RP1: variants seen among roughly 807,000 people sequenced by gnomAD.
RP1 encodes oxygen-regulated protein 1.
A neutral mutation model predicts 14.8 loss-of-function variants in RP1; 16 were observed. The ratio of observed to expected loss-of-function variants is 1.08; its 90% CI spans 0.73 to 1.65. The LOEUF is 1.65. Ranked by LOEUF, RP1 falls within the 40% of genes most tolerant of loss-of-function variation. The pLI is 0.00. For missense variants in RP1, 2,631 were observed against 2,535.0 expected (o/e 1.04, Z -0.81); for synonymous variants, 876 against 883.6 (o/e 0.99, Z 0.15).
chr8:54,786,399 G>A (rs995013305), intron 24 of RP1, among the ~76,000 whole-genome samples: 1 of 151,950 alleles, frequency 6.6e-6, no homozygotes, highest in East Asian at 1.9e-4. Flanking sequence ...AAGATTCTCT[G>A]CTTGTTTTTG....
intron 1 of RP1, among the ~76,000 whole-genome samples, chr8:54,579,887 C>A (rs1476762642): frequency 6.6e-6 from 1 of 152,210 alleles, no homozygotes. Context: ...CAACTTCTCT[C>A]CAGGACTGGT....
chr8:54,674,182 A>G (rs1486191399), intron 8 of RP1, among the ~76,000 whole-genome samples: 1 of 152,200 alleles, frequency 6.6e-6, no homozygotes, highest in Non-Finnish European at 1.5e-5. Context: ...ATTTTAAAAA[A>G]TAGAAGAGAT....
chr8:54,833,297 G>T (rs1158489634), intron 24 of RP1, among the ~76,000 whole-genome samples: 1 of 151,858 alleles, frequency 6.6e-6, no homozygotes, highest in African/African-American at 2.4e-5. Flanking sequence ...CATGCAAAAA[G>T]CTATACAAAT....
intron 22 of RP1, among the ~76,000 whole-genome samples, chr8:54,764,570 T>G (rs1809717882): frequency 1.3e-5 from 2 of 152,268 alleles, no homozygotes; most frequent in Admixed American, 6.5e-5. Context: ...TTTATGTGTC[T>G]GTCCTACTCC....
chr8:54,582,118 C>T (rs12386986), intron 1 of RP1, among the ~76,000 whole-genome samples: 12 of 151,934 alleles, frequency 7.9e-5, no homozygotes, highest in South Asian at 2.1e-4. Flanking sequence ...TTTTCTTCTA[C>T]GGTTTTTATG....
chr8:54,605,357 G>A (rs2129306926), intron 1 of RP1, among the ~76,000 whole-genome samples: 1 of 152,310 alleles, frequency 6.6e-6, no homozygotes, highest in South Asian at 2.1e-4. Context: ...TTTTGAGTGA[G>A]TTTCTTAATC....
At chr8:54,812,983 T>TAACA (rs1811046520) in intron 24 of RP1, among the ~76,000 whole-genome samples, 1 of 152,210 alleles carries the variant, frequency 6.6e-6, no homozygotes, top group East Asian at 1.9e-4. Context: ...TTATTGGTAT[T>TAACA]AACACTTCTG....
intron 13 of RP1, among the ~76,000 whole-genome samples, chr8:54,699,897 T>C (rs995406706): frequency 2.0e-5 from 3 of 152,190 alleles, no homozygotes; most frequent in Non-Finnish European, 4.4e-5. Flanking sequence ...TTATACCTTG[T>C]GTTGCTTAGT....
rs749436235 is a variant in RP1 at position 54,628,359 on chromosome 8, T to G, written c.4477T>G (p.Leu1493Val). ...TGGAGGAGAGCAAGCCACTGAAGAATTAATCCAAGAAGAGGTAGAGGCTAG... is the reference window on the plus strand; with the variant it reads ...TGGAGGAGAGCAAGCCACTGAAGAAGTAATCCAAGAAGAGGTAGAGGCTAG... Reference protein sequence around the residue: ...VNGGEQATEELIQEEVEASKT... With the variant: ...VNGGEQATEEVIQEEVEASKT... The change falls in exon 4 of 4, where the codon TTA becomes GTA. Residue 1493 changes from leucine (L) to valine (V), a missense_variant. Coordinates refer to ENST00000220676, the MANE Select transcript of RP1 (RefSeq NM_006269.2). The G allele has an allele frequency of 6.2e-7, 1 of 1,613,826 alleles. No homozygotes were observed. The highest frequency in any genetic ancestry group is 1.1e-5 in the South Asian group (1 of 91,072).
At position 54,625,110 on chromosome 8, in the gene RP1, A is replaced by AT. The variant is rs1291685823; in HGVS notation, c.1230dup (p.Gln411SerfsTer8). 1 of 1,614,062 alleles carries AT rather than the reference A, an allele frequency of 6.2e-7. No individual in the cohort carries two copies. Among genetic ancestry groups the AT allele is most frequent in the African/African-American group, 1.3e-5 (1 of 74,928 alleles). ...GGGCAGTTTGGCAGAGGAGATAAAC[A>AT]TTCAAATGACAGATCAAGTGGCTGA... On this transcript the variant is annotated frameshift_variant, in exon 4 of 4. Transcript: ENST00000220676. LOFTEE classifies it low-confidence loss of function (END_TRUNC).
intron 19 of RP1, among the ~76,000 whole-genome samples, chr8:54,741,079 A>G (rs944829903): frequency 6.6e-6 from 1 of 152,124 alleles, no homozygotes; most frequent in Non-Finnish European, 1.5e-5. Context: ...AAAGAAAGAA[A>G]ATATTTTTGT....
intron 24 of RP1, among the ~76,000 whole-genome samples, chr8:54,827,577 G>A (rs1179568401): frequency 2.0e-5 from 3 of 152,228 alleles, no homozygotes; most frequent in East Asian, 3.9e-4. Flanking sequence ...TAATCCTCCT[G>A]CCTCAGCCTC....
chr8:54,745,022 G>A (rs1361863002), intron 19 of RP1, among the ~76,000 whole-genome samples: 2 of 152,086 alleles, frequency 1.3e-5, no homozygotes, highest in East Asian at 3.9e-4. Context: ...GAAAACAATT[G>A]TACTCGTATT....
At chr8:54,606,439 TG>T (rs1016746331) in intron 1 of RP1, among the ~76,000 whole-genome samples, 72 of 152,112 alleles carry the variant, frequency 4.7e-4, no homozygotes, top group Middle Eastern at 6.8e-3. Context: ...CTTCCCTTTG[TG>T]GGTAACCCGA....
chr8:54,750,890 A>G (rs545509921), intron 19 of RP1, among the ~76,000 whole-genome samples: 3 of 152,352 alleles, frequency 2.0e-5, no homozygotes, highest in Admixed American at 1.3e-4. Context: ...GCATTCTGAT[A>G]GGACAGAAAT....
chr8:54,762,630 T>C (rs1340820601), intron 22 of RP1, among the ~76,000 whole-genome samples: 1 of 152,218 alleles, frequency 6.6e-6, no homozygotes, highest in African/African-American at 2.4e-5. Flanking sequence ...TGCAAATATT[T>C]TCATTTAGTA....
intron 19 of RP1, among the ~76,000 whole-genome samples, chr8:54,742,579 G>A (rs1809124935): frequency 2.0e-5 from 3 of 152,124 alleles, no homozygotes; most frequent in South Asian, 4.1e-4. Context: ...ATGATATGGA[G>A]GATTTGAGGA....
chr8:54,818,807 AG>A (rs1255072674), intron 24 of RP1, among the ~76,000 whole-genome samples: 4 of 152,218 alleles, frequency 2.6e-5, no homozygotes, highest in African/African-American at 9.7e-5. Context: ...TCTCAGAACA[AG>A]GCAAATACTG....
At chr8:54,834,630 C>CAT (rs57292816) in intron 24 of RP1, among the ~76,000 whole-genome samples, 46,033 of 150,810 alleles carry the variant, frequency 0.31, 7,197 homozygotes, top group South Asian at 0.37. Flanking sequence ...AGAAGAGTAT[C>CAT]ATTTTTCATG....
Sources: allele counts gnomAD v4.1 joint callset (sites outside exome capture counted in the v4.1 genomes callset), GRCh38; gene constraint gnomAD v4.1.1; transcripts MANE v1.5; gene names NCBI Gene and HGNC (gene_info 2026-07-23, HGNC 2026-07-21).